TTC21B: variants seen among roughly 807,000 people sequenced by gnomAD.
TTC21B encodes the protein tetratricopeptide repeat protein 21B.
A neutral mutation model predicts 175.1 loss-of-function variants in TTC21B; 127 were observed. That is an observed-to-expected ratio of 0.73 (90% CI 0.63 to 0.84). The LOEUF (loss-of-function observed/expected upper bound fraction) is 0.84. Among genes scored for constraint, TTC21B ranks in the 40% least tolerant of loss-of-function variants. The probability of loss-of-function intolerance (pLI) is 0.00; values close to 1 mark genes in which losing one functional copy is unlikely to be tolerated. For missense variants in TTC21B, 1,561 were observed against 1,558.3 expected (o/e 1.00, Z -0.03); for synonymous variants, 524 against 524.5 (o/e 1.00, Z 0.01).
At chr2:165,892,803 A>G (rs1184133369) in intron 22 of TTC21B, among the ~76,000 whole-genome samples, 1 of 152,218 alleles carries the variant, frequency 6.6e-6, no homozygotes, top group Non-Finnish European at 1.5e-5. Flanking sequence ...GATGACTTAC[A>G]CAACAATGCG....
At position 165,913,560 on chromosome 2, in the gene TTC21B, A is replaced by T; in HGVS notation, c.2211+14T>A. 1 of 1,583,306 alleles carries T rather than the reference A, an allele frequency of 6.3e-7. No individual in the cohort carries two copies. Among genetic ancestry groups the T allele is most frequent in the Non-Finnish European group, 8.7e-7 (1 of 1,152,376 alleles). On this transcript the variant is annotated intron_variant, in intron 16 of 28. Coordinates refer to ENST00000243344, the MANE Select transcript of TTC21B (RefSeq NM_024753.5). The stretch of plus-strand genomic sequence containing the variant: ...TTTTTTAAAAATGCAGTTCAGTAAC[A>T]TCAGAAATTTTACCTCTAGAATATT...
In TTC21B at chr2:165,924,608, C is replaced by T; in HGVS notation, c.1457G>A (p.Arg486Lys). 4 of 1,613,800 alleles carry T rather than the reference C, an allele frequency of 2.5e-6. No homozygotes were observed. The highest frequency in any genetic ancestry group is 3.4e-6 in the Non-Finnish European group (4 of 1,179,826). ...RCISVLETVV[R>K]TVPGLLQTVF... The stretch of plus-strand genomic sequence containing the variant: ...TGTTTGCAGAAGACCTGGAACAGTT[C>T]TTACTACAGTCTCCAGGACTGAGAT... The change falls in exon 12 of 29, where the codon AGA (arginine) becomes AAA (lysine). Residue 486 changes from arginine (R) to lysine (K), a missense_variant. Coordinates refer to ENST00000243344, the MANE Select transcript of TTC21B (RefSeq NM_024753.5).
chr2:165,895,319 A>T (rs1282470197), intron 22 of TTC21B, among the ~76,000 whole-genome samples: 1 of 152,228 alleles, frequency 6.6e-6, no homozygotes, highest in Non-Finnish European at 1.5e-5. Context: ...TACTAAGCCA[A>T]TTTTTTTGGG....
chr2:165,902,002 A>G, intron 19 of TTC21B, 92 bp from the exon 20 acceptor site: 1 of 1,101,500 alleles, frequency 9.1e-7, no homozygotes, highest in African/African-American at 1.6e-5. Flanking sequence ...AGATTTATTT[A>G]AACATTATGA....
chr2:165,951,388 T>C (rs144891840), intron 1 of TTC21B, among the ~76,000 whole-genome samples: 20 of 152,266 alleles, frequency 1.3e-4, no homozygotes, highest in East Asian at 3.9e-4. Flanking sequence ...TAAGATATCA[T>C]AGTATAAGAG....
chr2:165,951,615 C>T (rs760537699), intron 1 of TTC21B, among the ~76,000 whole-genome samples: 1 of 152,160 alleles, frequency 6.6e-6, no homozygotes, highest in South Asian at 2.1e-4. Context: ...CTACCTCCCA[C>T]TAAACATACC....
intron 20 of TTC21B, among the ~76,000 whole-genome samples, chr2:165,900,657 TA>T (rs1420667296): frequency 1.3e-5 from 2 of 152,136 alleles, no homozygotes; most frequent in African/African-American, 4.8e-5. Context: ...CCAATTGAAA[TA>T]CAGAGTGTAC....
intron 4 of TTC21B, among the ~76,000 whole-genome samples, chr2:165,945,189 C>T (rs1002729355): frequency 2.0e-5 from 3 of 151,552 alleles, no homozygotes; most frequent in African/African-American, 7.3e-5. Context: ...TACCTTGTAT[C>T]TAGAGCTGTT....
At position 165,945,622 on chromosome 2, in the gene TTC21B, A is replaced by AGGCTTTCT; in HGVS notation, c.323_330dup (p.Leu111ArgfsTer27). On this transcript the variant is annotated frameshift_variant, in exon 4 of 29. Transcript: ENST00000243344. LOFTEE classifies it high-confidence loss of function. ...CATAAAAATAAGCCTGCATGGTATA[A>AGGCTTTCT]GGCTTTCTCTCCAGCTCCTTTACGT... The AGGCTTTCT allele has an allele frequency of 6.2e-7, 1 of 1,613,832 alleles. No individual in the cohort carries two copies. The highest frequency in any genetic ancestry group is 8.5e-7 in the Non-Finnish European group (1 of 1,179,934).
At chr2:165,939,732 A>C (rs940525193) in intron 6 of TTC21B, among the ~76,000 whole-genome samples, 2 of 152,102 alleles carry the variant, frequency 1.3e-5, no homozygotes, top group Admixed American at 6.6e-5. Flanking sequence ...AGGCATTTCA[A>C]ACTTACAATG....
At position 165,913,594 on chromosome 2, in the gene TTC21B, C is replaced by T; in HGVS notation, c.2191G>A (p.Ala731Thr). The T allele has an allele frequency of 3.7e-6, 6 of 1,612,568 alleles. No individual in the cohort carries two copies. Among genetic ancestry groups the T allele is most frequent in the Non-Finnish European group, 5.1e-6 (6 of 1,178,924 alleles). The change falls in exon 16 of 29, where the codon GCA (alanine) becomes ACA (threonine). Residue 731 changes from alanine (A) to threonine (T), a missense_variant. By Grantham distance (58) the Ala-to-Thr change is moderately conservative. Transcript: ENST00000243344. Reference sequence around the variant, plus strand: ...TTTACCTCTAGAATATTCATGTATGCATCACCAAGGAGAAGAAAAGACCGA... The same window carrying T: ...TTTACCTCTAGAATATTCATGTATGTATCACCAAGGAGAAGAAAAGACCGA... ...NPRSFLLLGD[A>T]YMNILEPEEA...
intron 11 of TTC21B, 127 bp from the exon 12 acceptor site, chr2:165,924,805 C>G: frequency 9.4e-7 from 1 of 1,064,640 alleles, no homozygotes; most frequent in Non-Finnish European, 1.3e-6. Flanking sequence ...TTTGATTTAA[C>G]TTATTTTGTA....
At chr2:165,890,810 TG>T in intron 23 of TTC21B, 27 bp downstream of exon 23, 1 of 1,605,396 alleles carries the variant, frequency 6.2e-7, no homozygotes, top group Non-Finnish European at 8.5e-7. Flanking sequence ...AAAAAAATCA[TG>T]TAGCATTTAT....
At chr2:165,951,222 A>T (rs899379036) in intron 1 of TTC21B, among the ~76,000 whole-genome samples, 5 of 152,180 alleles carry the variant, frequency 3.3e-5, no homozygotes, top group African/African-American at 4.8e-5. Flanking sequence ...ATCACTAAGC[A>T]TCTATAATCC....
rs1454363313 is a variant in TTC21B at position 165,924,531 on chromosome 2, T to G, written c.1516+18A>C. 6.2e-7 allele frequency: 1 copy of G among 1,611,384 alleles called. No individual in the cohort carries two copies. Among genetic ancestry groups the G allele is most frequent in the Admixed American group, 1.7e-5 (1 of 59,930 alleles). On this transcript the variant is annotated intron_variant, in intron 12 of 28. Coordinates refer to ENST00000243344, the MANE Select transcript of TTC21B (RefSeq NM_024753.5). ...ACATCAGAATAAAAAGGTTAAAAGT[T>G]TTTAAGGTATACTCTACCTGACAAA... is the stretch of plus-strand genomic sequence containing the variant.
intron 18 of TTC21B, 93 bp downstream of exon 18, chr2:165,911,234 A>C: frequency 6.7e-7 from 1 of 1,482,064 alleles, no homozygotes; most frequent in Non-Finnish European, 9.4e-7. Flanking sequence ...ACCACAAATA[A>C]AATATTGAGA....
At chr2:165,946,227 T>C (rs1008169787) in intron 3 of TTC21B, among the ~76,000 whole-genome samples, 2 of 150,826 alleles carry the variant, frequency 1.3e-5, no homozygotes, top group Non-Finnish European at 2.9e-5. Flanking sequence ...TAGTCCCAGC[T>C]GCTGGGGAGG....
At chr2:165,882,867 A>G (rs1684881587) in intron 26 of TTC21B, among the ~76,000 whole-genome samples, 1 of 145,254 alleles carries the variant, frequency 6.9e-6, no homozygotes, top group Non-Finnish European at 1.5e-5. Context: ...TAAACTATTC[A>G]GCAGTTTAGA....
At chr2:165,875,790 C>T (rs942535975) in intron 28 of TTC21B, among the ~76,000 whole-genome samples, 3 of 151,064 alleles carry the variant, frequency 2.0e-5, no homozygotes, top group African/African-American at 4.8e-5. Context: ...TTTTATTTAA[C>T]ATGTTTCTCC....
Sources: gnomAD v4.1 joint callset for allele counts (sites outside exome capture counted in the v4.1 genomes callset) on GRCh38, gnomAD v4.1.1 for gene constraint, MANE v1.5 for transcripts, NCBI Gene and HGNC (gene_info 2026-07-23, HGNC 2026-07-21) for gene names.